PLEKHA6: variants seen among roughly 807,000 people sequenced by gnomAD.
PLEKHA6 encodes pleckstrin homology domain-containing family A member 6.
Under a neutral mutation model 116.7 loss-of-function variants are expected in PLEKHA6, and 60 were observed. That is an observed-to-expected ratio of 0.51 (90% CI 0.42 to 0.64). The LOEUF (loss-of-function observed/expected upper bound fraction) is 0.64. Ranked by LOEUF, PLEKHA6 falls within the 30% of genes least tolerant of loss-of-function variation. PLEKHA6 has a pLI of 0.00. For missense variants in PLEKHA6, 1,338 were observed against 1,422.7 expected (o/e 0.94, Z 0.96); for synonymous variants, 489 against 556.1 (o/e 0.88, Z 1.70).
At chr1:204,237,463 C>G (rs1446525414) in intron 17 of PLEKHA6, among the ~76,000 whole-genome samples, 1 of 152,190 alleles carries the variant, frequency 6.6e-6, no homozygotes, top group East Asian at 1.9e-4. Flanking sequence ...CCACCACATC[C>G]CCATTCAACT....
chr1:204,251,817 C>T (rs1664605169), intron 9 of PLEKHA6, among the ~76,000 whole-genome samples: 1 of 152,166 alleles, frequency 6.6e-6, no homozygotes, highest in Non-Finnish European at 1.5e-5. Context: ...ACAGAAGGGG[C>T]CGGGAGGCCA....
intron 15 of PLEKHA6, among the ~76,000 whole-genome samples, chr1:204,244,647 G>A (rs1258389546): frequency 6.6e-6 from 1 of 152,226 alleles, no homozygotes; most frequent in Non-Finnish European, 1.5e-5. Flanking sequence ...CTGCAAGGGA[G>A]CTAAAGATGA....
intron 1 of PLEKHA6, among the ~76,000 whole-genome samples, chr1:204,330,245 C>T (rs914608990): frequency 1.1e-4 from 17 of 152,086 alleles, no homozygotes; most frequent in Non-Finnish European, 2.4e-4. Flanking sequence ...ATGATCTGCC[C>T]GCCTTGACCT....
intron 1 of PLEKHA6, among the ~76,000 whole-genome samples, chr1:204,345,879 C>T (rs1049792241): frequency 1.3e-5 from 2 of 152,216 alleles, no homozygotes; most frequent in African/African-American, 4.8e-5. Context: ...ACTTCCCAGT[C>T]GCTCTCCACA....
chr1:204,252,719 A>G (rs1664728445), intron 9 of PLEKHA6, among the ~76,000 whole-genome samples: 1 of 152,182 alleles, frequency 6.6e-6, no homozygotes, highest in African/African-American at 2.4e-5. Flanking sequence ...GCCCACATAC[A>G]GCCTTGCTTC....
chr1:204,301,069 T>C (rs1670766951), intron 1 of PLEKHA6: 1 of 165,934 alleles, frequency 6.0e-6, no homozygotes. Flanking sequence ...TTAATATGTT[T>C]GATTATGGAG....
At chr1:204,295,415 G>A (rs752469182) in intron 1 of PLEKHA6, among the ~76,000 whole-genome samples, 5 of 151,860 alleles carry the variant, frequency 3.3e-5, no homozygotes, top group Admixed American at 1.3e-4. Context: ...GCTTGAATCC[G>A]GGAGGCGGAG....
At chr1:204,338,224 A>T (rs1363122522) in intron 1 of PLEKHA6, among the ~76,000 whole-genome samples, 2 of 152,184 alleles carry the variant, frequency 1.3e-5, no homozygotes, top group African/African-American at 4.8e-5. Context: ...ATAAAATAGG[A>T]ATGCTGCTAC....
intron 17 of PLEKHA6, among the ~76,000 whole-genome samples, chr1:204,237,000 C>A (rs2102508139): frequency 6.6e-6 from 1 of 152,278 alleles, no homozygotes; most frequent in South Asian, 2.1e-4. Context: ...TGGCCTTTTA[C>A]CAGGGTGACT....
chr1:204,264,968 T>G lies in PLEKHA6; in HGVS notation c.355A>C (p.Asn119His). The G allele has an allele frequency of 6.2e-7, 1 of 1,613,966 alleles. No individual in the cohort carries two copies. The highest frequency in any genetic ancestry group is 8.5e-7 in the Non-Finnish European group (1 of 1,179,848). The change falls in exon 6 of 23, where the codon AAC becomes CAC. Residue 119 changes from asparagine (N) to histidine (H), a missense_variant. Asn to His is a moderately conservative substitution (Grantham distance 68). Coordinates refer to ENST00000272203, the MANE Select transcript of PLEKHA6 (RefSeq NM_014935.5). ...TTAAACGTGTGTTTCCGGCTGATGT[T>G]GTCTGAGGGCTGCACTGCGGCTACC... is the stretch of plus-strand genomic sequence containing the variant. ...FRVAAVQPSD[N>H]ISRKHTFKAE...
At chr1:204,260,191 C>T (rs972868687) in intron 7 of PLEKHA6, among the ~76,000 whole-genome samples, 2 of 152,212 alleles carry the variant, frequency 1.3e-5, no homozygotes, top group African/African-American at 4.8e-5. Context: ...GGGCAGCTGT[C>T]TTTCTTATAG....
chr1:204,321,941 G>T (rs1432070331), intron 1 of PLEKHA6, among the ~76,000 whole-genome samples: 1 of 152,218 alleles, frequency 6.6e-6, no homozygotes, highest in African/African-American at 2.4e-5. Context: ...TGGGGCTCTG[G>T]CAGGGCATGC....
intron 2 of PLEKHA6, among the ~76,000 whole-genome samples, chr1:204,274,358 T>G (rs927995514): frequency 1.4e-4 from 21 of 152,324 alleles, no homozygotes; most frequent in African/African-American, 4.8e-4. Flanking sequence ...TTTTCTCCTT[T>G]CATTTGGTGA....
chr1:204,244,961 G>T lies in PLEKHA6; in HGVS notation c.2075C>A (p.Ala692Asp). The T allele has an allele frequency of 6.8e-7, 1 of 1,471,206 alleles. No homozygotes were observed. Among genetic ancestry groups the T allele is most frequent in the Non-Finnish European group, 9.0e-7 (1 of 1,109,460 alleles). The allele number at this position is 1,471,206 out of a possible 1,614,324, so 91.1% of individuals were successfully genotyped here. ...PSATYSSNSP[A>D]SPLSSASLTS... ...GAGGCTGGCAGAGCTGAGGGGGCTGGCCGGGCTGTTGGAGCTGTAGGTGGC... is the reference window on the plus strand; with the variant it reads ...GAGGCTGGCAGAGCTGAGGGGGCTGTCCGGGCTGTTGGAGCTGTAGGTGGC... The change falls in exon 15 of 23, where the codon GCC becomes GAC. Residue 692 changes from alanine (A) to aspartate (D), a missense_variant. Ala to Asp is a moderately radical substitution (Grantham distance 126). Transcript: ENST00000272203.
rs117328318 is a variant in PLEKHA6, at chr1:204,299,205, C to G, written c.-94-24396G>C. Reference sequence around the variant, plus strand: ...TAATTTCCAGAGGACCCAAAGTCTCCATCTAGACTTTGCACACATGGTTGG... The same window carrying G: ...TAATTTCCAGAGGACCCAAAGTCTCGATCTAGACTTTGCACACATGGTTGG... On this transcript the variant is annotated intron_variant, in intron 1 of 22. Transcript: ENST00000272203. Among the ~76,000 whole-genome samples the G allele has an allele frequency of 4.9e-4, 75 of 152,314 alleles. No individual in the cohort carries two copies. The East Asian group carries it at 0.013, about 27-fold the overall frequency.
At chr1:204,321,776 C>T (rs1050490877) in intron 1 of PLEKHA6, among the ~76,000 whole-genome samples, 4 of 152,176 alleles carry the variant, frequency 2.6e-5, no homozygotes, top group African/African-American at 9.7e-5. Context: ...ATCTTTCATT[C>T]AACAAGCATT....
intron 1 of PLEKHA6, among the ~76,000 whole-genome samples, chr1:204,301,898 A>T (rs188850030): frequency 7.9e-5 from 12 of 152,196 alleles, no homozygotes; most frequent in Non-Finnish European, 4.4e-5. Flanking sequence ...TATGGACTCA[A>T]CCCACTCTAA....
intron 1 of PLEKHA6, among the ~76,000 whole-genome samples, chr1:204,332,323 T>A (rs1672483263): frequency 1.3e-5 from 2 of 152,194 alleles, no homozygotes; most frequent in South Asian, 4.1e-4. Flanking sequence ...GGGCCTGAGG[T>A]TACCTCTGAA....
chr1:204,313,575 A>C (rs1370133718), intron 1 of PLEKHA6: 1 of 982,752 alleles, frequency 1.0e-6, no homozygotes, highest in Non-Finnish European at 1.2e-6. Flanking sequence ...TTCTCTTCTC[A>C]GTCCCTGGGG....
Sources: gnomAD v4.1 joint callset for allele counts (sites outside exome capture counted in the v4.1 genomes callset) on GRCh38, gnomAD v4.1.1 for gene constraint, MANE v1.5 for transcripts, NCBI Gene and HGNC (gene_info 2026-07-23, HGNC 2026-07-21) for gene names.